The following TENM2 variants were observed in gnomAD, a reference collection of about 807,000 sequenced individuals.
TENM2 encodes the protein teneurin-2.
TENM2 carries 52 observed loss-of-function variants against 245.2 expected under a neutral mutation model. That is an observed-to-expected ratio of 0.21 (90% CI 0.17 to 0.27). The LOEUF (loss-of-function observed/expected upper bound fraction) is 0.27. Ranked by LOEUF, TENM2 falls within the 10% of genes least tolerant of loss-of-function variation. The pLI is 1.00. For synonymous variants in TENM2, 1,363 were observed against 1,438.9 expected (o/e 0.95, Z 1.19); for missense variants, 3,046 against 3,666.8 (o/e 0.83, Z 4.37).
the TENM2 span, among the ~76,000 whole-genome samples, chr5:167,075,523 A>C: frequency 6.6e-6 from 1 of 152,160 alleles, no homozygotes; most frequent in Non-Finnish European, 1.5e-5. Context: ...AATAAAAGCA[A>C]ATCTTAGAAT....
At chr5:168,185,696 T>A (rs1760324739) in intron 13 of TENM2, among the ~76,000 whole-genome samples, 2 of 151,998 alleles carry the variant, frequency 1.3e-5, no homozygotes, top group Admixed American at 1.3e-4. Context: ...TTGTTATTCC[T>A]ATTAATTATT....
chr5:167,100,265 G>C, the TENM2 span, among the ~76,000 whole-genome samples: 1 of 152,134 alleles, frequency 6.6e-6, no homozygotes, highest in African/African-American at 2.4e-5. Context: ...AACTTGAAAG[G>C]GGGAAGGCAC....
chr5:166,986,345 T>C, the TENM2 span, among the ~76,000 whole-genome samples: 1 of 152,206 alleles, frequency 6.6e-6, no homozygotes, highest in Admixed American at 6.5e-5. Flanking sequence ...CTTTTTTTAC[T>C]CTGCTCTCAG....
chr5:167,252,968 G>A, the TENM2 span, among the ~76,000 whole-genome samples: 2 of 152,110 alleles, frequency 1.3e-5, no homozygotes, highest in Admixed American at 6.6e-5. Context: ...AAATGATCTT[G>A]TTCTTCTTTT....
At chr5:167,682,071 TTCC>T (rs1298605645) in intron 2 of TENM2, among the ~76,000 whole-genome samples, 12 of 56,006 alleles carry the variant, frequency 2.1e-4, no homozygotes, top group African/African-American at 1.3e-3. Context: ...CCTTCCTTCT[TTCC>T]TTCCTTCCTT....
intron 1 of TENM2, among the ~76,000 whole-genome samples, chr5:167,356,606 A>G (rs1759350108): frequency 6.6e-6 from 1 of 152,222 alleles, no homozygotes; most frequent in Non-Finnish European, 1.5e-5. Context: ...ATAATGGCCA[A>G]ATGGCCAGAG....
the TENM2 span, among the ~76,000 whole-genome samples, chr5:167,205,156 G>T: frequency 6.6e-6 from 1 of 152,144 alleles, no homozygotes; most frequent in Non-Finnish European, 1.5e-5. Flanking sequence ...CAAGGCAGGT[G>T]GATCACTTGA....
the TENM2 span, among the ~76,000 whole-genome samples, chr5:167,145,883 C>G: frequency 2.0e-5 from 3 of 152,140 alleles, no homozygotes; most frequent in Non-Finnish European, 2.9e-5. Flanking sequence ...CACTTGTATT[C>G]TTTACAGCTC....
intron 2 of TENM2, among the ~76,000 whole-genome samples, chr5:167,795,760 A>T (rs150360694): frequency 6.6e-6 from 1 of 152,198 alleles, no homozygotes; most frequent in African/African-American, 2.4e-5. Context: ...GTAGCCACAC[A>T]TATATAATCA....
intron 2 of TENM2, among the ~76,000 whole-genome samples, chr5:167,379,292 C>T (rs958360845): frequency 1.3e-5 from 2 of 152,128 alleles, no homozygotes; most frequent in African/African-American, 4.8e-5. Context: ...AGGTCTGTAG[C>T]GTATCTGTCT....
chr5:167,573,912 A>C (rs1164091259), intron 2 of TENM2: 2 of 152,172 alleles, frequency 1.3e-5, no homozygotes, highest in Non-Finnish European at 2.9e-5. Flanking sequence ...AAAGAAAGAA[A>C]AAAAAAGGCG....
chr5:168,162,039 A>G (rs1188928915), intron 12 of TENM2, among the ~76,000 whole-genome samples: 1 of 152,172 alleles, frequency 6.6e-6, no homozygotes, highest in Non-Finnish European at 1.5e-5. Context: ...AACATCTTTA[A>G]GTGCCCCTTA....
At chr5:167,299,787 T>A (rs2127734036) in intron 1 of TENM2, among the ~76,000 whole-genome samples, 1 of 152,062 alleles carries the variant, frequency 6.6e-6, no homozygotes, top group African/African-American at 2.4e-5. Flanking sequence ...GTGTGGTATC[T>A]GGAATAATGT....
chr5:167,490,490 C>A (rs568979170), intron 2 of TENM2, among the ~76,000 whole-genome samples: 3 of 151,960 alleles, frequency 2.0e-5, no homozygotes, highest in African/African-American at 4.8e-5. Flanking sequence ...TCATGAGATG[C>A]GCTTGTATAT....
At chr5:167,204,869 C>A in the TENM2 span, among the ~76,000 whole-genome samples, 4 of 152,168 alleles carry the variant, frequency 2.6e-5, no homozygotes, top group African/African-American at 9.7e-5. Context: ...TACAAATAAA[C>A]CACCGGAGAT....
At chr5:167,991,005 T>G (rs1783623715) in intron 4 of TENM2, among the ~76,000 whole-genome samples, 1 of 152,160 alleles carries the variant, frequency 6.6e-6, no homozygotes, top group Non-Finnish European at 1.5e-5. Context: ...TAAAAAAATT[T>G]TTTAAGTCAG....
At chr5:167,198,723 A>G in the TENM2 span, among the ~76,000 whole-genome samples, 70 of 152,222 alleles carry the variant, frequency 4.6e-4, 1 homozygote, top group Non-Finnish European at 2.5e-4. Context: ...CAGCTGTGTC[A>G]TTGATCATCC....
intron 5 of TENM2, among the ~76,000 whole-genome samples, chr5:168,037,053 C>T (rs990036808): frequency 2.0e-5 from 3 of 151,976 alleles, no homozygotes; most frequent in Non-Finnish European, 4.4e-5. Flanking sequence ...ATTTTTTTAA[C>T]GTGATGTTTC....
the TENM2 span, among the ~76,000 whole-genome samples, chr5:167,108,765 A>G: frequency 6.6e-6 from 1 of 152,236 alleles, no homozygotes; most frequent in Non-Finnish European, 1.5e-5. Context: ...TAGCTCTACA[A>G]TACTGTAGCC....
Sources: gnomAD v4.1 joint callset for allele counts (sites outside exome capture counted in the v4.1 genomes callset) on GRCh38, gnomAD v4.1.1 for gene constraint, MANE v1.5 for transcripts, NCBI Gene and HGNC (gene_info 2026-07-23, HGNC 2026-07-21) for gene names.